Variants in FREM3 observed in about 807,000 individuals in gnomAD.
FREM3 encodes FRAS1-related extracellular matrix protein 3.
A neutral mutation model predicts 129.1 loss-of-function variants in FREM3; 105 were observed. The observed-to-expected ratio is 0.81, with a 90% CI of 0.69 to 0.96. The LOEUF (loss-of-function observed/expected upper bound fraction) is 0.96, where lower values mean the gene tolerates loss of function less well. FREM3 is among the 40% of genes least tolerant of loss of function. The probability of loss-of-function intolerance (pLI) is 0.00; values close to 1 mark genes in which losing one functional copy is unlikely to be tolerated. For synonymous variants in FREM3, 1,014 were observed against 1,044.9 expected, an observed-to-expected ratio of 0.97 and a Z score of 0.57; for missense variants, 2,593 against 2,666.3, an observed-to-expected ratio of 0.97 and a Z score of 0.61.
At chr4:143,663,463 G>A (rs1054247177) in intron 2 of FREM3, among the ~76,000 whole-genome samples, 91 of 152,040 alleles carry the variant, frequency 6.0e-4, no homozygotes, top group African/African-American at 1.5e-3. Context: ...GCTGTTAGTC[G>A]GATGTGCTTC....
chr4:143,653,655 A>G (rs1314196476), intron 2 of FREM3, among the ~76,000 whole-genome samples: 1 of 152,256 alleles, frequency 6.6e-6, no homozygotes. Flanking sequence ...ACGAGAGGTT[A>G]TACAAGAAGT....
intron 7 of FREM3, among the ~76,000 whole-genome samples, chr4:143,580,854 C>A (rs1360078423): frequency 6.6e-6 from 1 of 152,176 alleles, no homozygotes; most frequent in Non-Finnish European, 1.5e-5. Flanking sequence ...CACAGCACAG[C>A]TGCCTTATGG....
At position 143,585,789 on chromosome 4, in the gene FREM3, C is replaced by T. The variant is rs973950985; in HGVS notation, c.6178+55G>A. On this transcript the variant is annotated intron_variant, in intron 7 of 7. Transcript: ENST00000329798. The surrounding 1 kb of genome is among the most constrained non-coding windows in gnomAD (Gnocchi z 4.2). The stretch of plus-strand genomic sequence containing the variant: ...GCATGCTTACACTTAACAGACTAGA[C>T]TCCACCATAAACATGTATCATGATA... 2.0e-6 allele frequency: 3 copies of T among 1,507,938 alleles called. No homozygotes were observed. The highest frequency in any genetic ancestry group is 2.7e-6 in the Non-Finnish European group (3 of 1,124,844). 93.4% of individuals were successfully genotyped at this position (1,507,938 alleles called of 1,614,324 possible).
chr4:143,690,635 A>G (rs549600035), intron 2 of FREM3, among the ~76,000 whole-genome samples: 1 of 152,350 alleles, frequency 6.6e-6, no homozygotes, highest in Admixed American at 6.5e-5. Flanking sequence ...TTAATAGATC[A>G]AATGGAAATT....
rs1197083808 is a variant in FREM3, at chr4:143,699,127, T to C, written c.1549A>G (p.Ile517Val). ...HDGSNTYSDN[I>V]IFRMEDGHHQ... ...TGCCCGTCCTCCATCCGGAAGATGA[T>C]ATTGTCACTGTAGGTGTTGCTGCCA... Residue 517 changes from isoleucine to valine, a missense_variant, in exon 1 of 8, where the codon ATC becomes GTC. Transcript: ENST00000329798. This position sits in a 1 kb window ranked among gnomAD's most constrained non-coding sequence, Gnocchi z 4.2. 13 of 1,537,152 alleles carry C rather than the reference T, an allele frequency of 8.5e-6. No homozygotes were observed. The highest frequency in any genetic ancestry group is 3.3e-4 in the Middle Eastern group (2 of 6,012).
At chr4:143,621,205 G>T in intron 4 of FREM3, 43 bp from the exon 5 acceptor site, 1 of 1,529,232 alleles carries the variant, frequency 6.5e-7, no homozygotes, top group South Asian at 1.2e-5. Flanking sequence ...ATTTAGATTT[G>T]ATCGGTGATA....
intron 6 of FREM3, among the ~76,000 whole-genome samples, chr4:143,593,611 A>G (rs1216113671): frequency 6.6e-6 from 1 of 152,184 alleles, no homozygotes; most frequent in Non-Finnish European, 1.5e-5. Context: ...GTCTCAGAGG[A>G]GTACCCGGCT....
chr4:143,653,216 G>C (rs1197964941), intron 2 of FREM3, among the ~76,000 whole-genome samples: 2 of 152,168 alleles, frequency 1.3e-5, no homozygotes, highest in South Asian at 2.1e-4. Context: ...AACTTAGCTA[G>C]AGCCCCTGCT....
chr4:143,583,257 A>G (rs1349550728), intron 7 of FREM3, among the ~76,000 whole-genome samples: 1 of 152,228 alleles, frequency 6.6e-6, no homozygotes, highest in Non-Finnish European at 1.5e-5. Flanking sequence ...TCAAAAATAA[A>G]GAGAAAAGAA....
At chr4:143,680,417 T>C (rs902923618) in intron 2 of FREM3, among the ~76,000 whole-genome samples, 2 of 152,058 alleles carry the variant, frequency 1.3e-5, no homozygotes, top group Admixed American at 1.3e-4. Flanking sequence ...TATTGTATCA[T>C]CTTCTAAGGC....
chr4:143,642,108 C>A lies in FREM3; in HGVS notation c.5276-14348G>T, dbSNP rs1420570839. ...GAAGCTTACCCCAAAAGGTGAAAGA[C>A]CTCTACACTGAAAACTATAAAACAT... On this transcript the variant is annotated intron_variant, in intron 2 of 7. Coordinates refer to ENST00000329798, the MANE Select transcript of FREM3 (RefSeq NM_001168235.2). 2.0e-5 allele frequency among the ~76,000 whole-genome samples: 3 copies of A among 152,108 alleles called. No individual in the cohort carries two copies. In the East Asian group the frequency reaches 5.8e-4, roughly 29 times the overall value.
At chr4:143,598,721 A>T (rs896603993) in intron 6 of FREM3, among the ~76,000 whole-genome samples, 2 of 152,176 alleles carry the variant, frequency 1.3e-5, no homozygotes, top group African/African-American at 2.4e-5. Flanking sequence ...GTTGTCCCAT[A>T]TGATCATAAT....
intron 6 of FREM3, among the ~76,000 whole-genome samples, chr4:143,592,947 CT>C (rs1162533485): frequency 6.6e-6 from 1 of 152,134 alleles, no homozygotes; most frequent in Non-Finnish European, 1.5e-5. Flanking sequence ...TCTTTTTATT[CT>C]TTTTTCTCTA....
chr4:143,627,800 T>A lies in FREM3; in HGVS notation c.5276-40A>T. On this transcript the variant is annotated intron_variant, in intron 2 of 7. Coordinates refer to ENST00000329798, the MANE Select transcript of FREM3 (RefSeq NM_001168235.2). Reference sequence around the variant, plus strand: ...GGCAAAGGAAAAGTCAGCTGGAGTATTTGATGGCAATATTCAATGATCAAT... The same window carrying A: ...GGCAAAGGAAAAGTCAGCTGGAGTAATTGATGGCAATATTCAATGATCAAT... 2.9e-6 allele frequency: 4 copies of A among 1,394,100 alleles called. No homozygotes were observed. In the South Asian group the frequency reaches 5.1e-5, roughly 18 times the overall value. The allele number at this position is 1,394,100 out of a possible 1,614,324, so 86.4% of individuals were successfully genotyped here. A position where few individuals can be genotyped will look rare whatever the true frequency, so the allele number is the denominator to read the frequency against.
At chr4:143,640,217 T>C (rs533225550) in intron 2 of FREM3, among the ~76,000 whole-genome samples, 1 of 152,346 alleles carries the variant, frequency 6.6e-6, no homozygotes, top group African/African-American at 2.4e-5. Context: ...TGGAGCTGAT[T>C]GCTCCAAATT....
chr4:143,623,501 C>T (rs992009851), intron 4 of FREM3, among the ~76,000 whole-genome samples: 23 of 136,364 alleles, frequency 1.7e-4, no homozygotes, highest in Non-Finnish European at 3.3e-4. Flanking sequence ...AATCCCCCCC[C>T]CCCCCCACCA....
intron 2 of FREM3, among the ~76,000 whole-genome samples, chr4:143,628,514 A>G (rs1739085086): frequency 6.6e-6 from 1 of 152,160 alleles, no homozygotes; most frequent in East Asian, 1.9e-4. Context: ...TTTATGACTG[A>G]GTTTCAACTG....
intron 6 of FREM3, among the ~76,000 whole-genome samples, chr4:143,597,690 CACTT>C (rs1050879882): frequency 8.0e-4 from 122 of 152,082 alleles, no homozygotes; most frequent in African/African-American, 2.8e-3. Flanking sequence ...CAGAATAAAA[CACTT>C]AGGCATAAAC....
In FREM3 at chr4:143,696,408, T is replaced by A; in HGVS notation, c.4268A>T (p.Asp1423Val). The A allele has an allele frequency of 6.5e-7, 1 of 1,537,524 alleles. No homozygotes were observed. Among genetic ancestry groups the A allele is most frequent in the Non-Finnish European group, 8.7e-7 (1 of 1,146,938 alleles). The change falls in exon 1 of 8, where the codon GAC (aspartate) becomes GTC (valine). Residue 1423 changes from aspartate to valine, a missense_variant. Physicochemically the swap from Asp to Val is radical, Grantham distance 152. Coordinates refer to ENST00000329798, the MANE Select transcript of FREM3 (RefSeq NM_001168235.2). ...HYFYVTIGNL[D>V]SVFPEVISKR... ...GCTGATTACCTCAGGGAAGACGCTG[T>A]CTAAGTTGCCAATGGTGACATAGAA...
Sources: allele counts gnomAD v4.1 joint callset (sites outside exome capture counted in the v4.1 genomes callset), GRCh38; gene constraint gnomAD v4.1.1; non-coding constraint Gnocchi (gnomAD v3.1); transcripts MANE v1.5; gene names NCBI Gene and HGNC (gene_info 2026-07-23, HGNC 2026-07-21).